Variants in NRXN1 observed in about 807,000 individuals in gnomAD.
NRXN1 encodes neurexin-1.
A neutral mutation model predicts 150.9 loss-of-function variants in NRXN1; 39 were observed. The observed-to-expected ratio is 0.26, with a 90% CI of 0.20 to 0.34. The LOEUF is 0.34. Ranked by LOEUF, NRXN1 falls within the 10% of genes least tolerant of loss-of-function variation. The pLI is 1.00. For synonymous variants in NRXN1, 924 were observed against 757.0 expected (o/e 1.22, Z -3.62); for missense variants, 1,815 against 1,949.9 (o/e 0.93, Z 1.30).
At chr2:50,753,042 T>C (rs1332274647) in intron 5 of NRXN1, among the ~76,000 whole-genome samples, 1 of 151,966 alleles carries the variant, frequency 6.6e-6, no homozygotes, top group Non-Finnish European at 1.5e-5. Flanking sequence ...GTTTATTACA[T>C]TTCATCTGAG....
chr2:50,907,065 T>A (rs879673156), intron 5 of NRXN1, among the ~76,000 whole-genome samples: 1 of 151,664 alleles, frequency 6.6e-6, no homozygotes, highest in Non-Finnish European at 1.5e-5. Context: ...TCTTCTCCCC[T>A]AAAGTAAGCC....
chr2:50,859,369 T>G (rs1675757431), intron 5 of NRXN1, among the ~76,000 whole-genome samples: 1 of 152,016 alleles, frequency 6.6e-6, no homozygotes, highest in South Asian at 2.1e-4. Flanking sequence ...GGGAAAATAT[T>G]TAAGTGTCAA....
rs574317043 is a variant in NRXN1 at position 50,526,531 on chromosome 2, C to T, written c.2374+2094G>A. 2.0e-5 allele frequency among the ~76,000 whole-genome samples: 3 copies of T among 152,256 alleles called. No individual in the cohort carries two copies. The East Asian group carries it at 5.8e-4, about 29-fold the overall frequency. On this transcript the variant is annotated intron_variant, in intron 12 of 22. Coordinates refer to ENST00000401669, the MANE Select transcript of NRXN1 (RefSeq NM_001330078.2). ...TTTAGTTTTTATTGAGTACAAAATG[C>T]ACTCCAGGTAGAAATCACTGCTCAT...
At chr2:50,942,276 G>C (rs776042478) in intron 2 of NRXN1, among the ~76,000 whole-genome samples, 4 of 152,180 alleles carry the variant, frequency 2.6e-5, no homozygotes, top group Non-Finnish European at 2.9e-5. Flanking sequence ...GAGCCCACAT[G>C]GAGAACCTCT....
intron 10 of NRXN1, 59 bp downstream of exon 10, chr2:50,538,194 T>C: frequency 6.4e-7 from 1 of 1,555,714 alleles, no homozygotes; most frequent in Admixed American, 1.8e-5. Context: ...AGGTTTGAGG[T>C]CAACATTTAA....
chr2:50,357,420 T>C (rs982409100), intron 17 of NRXN1, among the ~76,000 whole-genome samples: 8 of 152,056 alleles, frequency 5.3e-5, no homozygotes, highest in African/African-American at 1.9e-4. Context: ...ACGATTCTCC[T>C]GCCTCAGCCT....
chr2:50,461,444 A>G (rs536940401), intron 17 of NRXN1, among the ~76,000 whole-genome samples: 4 of 152,134 alleles, frequency 2.6e-5, no homozygotes, highest in Admixed American at 6.6e-5. Flanking sequence ...GCTATTTTGC[A>G]TACGGTCATA....
chr2:50,392,434 T>G (rs918731495), intron 17 of NRXN1, among the ~76,000 whole-genome samples: 2 of 152,166 alleles, frequency 1.3e-5, no homozygotes, highest in Non-Finnish European at 2.9e-5. Context: ...GATAGGATCA[T>G]AGAAGAGGAA....
intron 5 of NRXN1, among the ~76,000 whole-genome samples, chr2:50,747,185 G>C (rs1444058245): frequency 6.6e-6 from 1 of 152,084 alleles, no homozygotes; most frequent in Non-Finnish European, 1.5e-5. Context: ...ACAAAAATCA[G>C]AAAGATGGCC....
chr2:50,564,462 C>T (rs1176375817), intron 8 of NRXN1, among the ~76,000 whole-genome samples: 1 of 152,042 alleles, frequency 6.6e-6, no homozygotes, highest in Non-Finnish European at 1.5e-5. Context: ...TTTATCTCAT[C>T]TCTCTGGAAC....
At chr2:50,984,593 G>C (rs921340124) in intron 2 of NRXN1, among the ~76,000 whole-genome samples, 1 of 151,850 alleles carries the variant, frequency 6.6e-6, no homozygotes, top group Non-Finnish European at 1.5e-5. Flanking sequence ...GCTATATCTG[G>C]GATAGAAAGG....
At chr2:50,381,584 G>C (rs982061154) in intron 17 of NRXN1, among the ~76,000 whole-genome samples, 9 of 147,430 alleles carry the variant, frequency 6.1e-5, no homozygotes, top group Non-Finnish European at 1.2e-4. Flanking sequence ...ATCTGCTTTT[G>C]GCTATGAAAA....
At chr2:50,236,712 AG>A (rs2065469699) in intron 18 of NRXN1, 76 bp downstream of exon 18, 2 of 1,411,084 alleles carry the variant, frequency 1.4e-6, no homozygotes, top group African/African-American at 2.9e-5. Context: ...GAAGCATCCA[AG>A]AAGCAAAATT....
chr2:49,942,986 A>G (rs1297536926), intron 22 of NRXN1, among the ~76,000 whole-genome samples: 1 of 152,222 alleles, frequency 6.6e-6, no homozygotes, highest in Admixed American at 6.5e-5. Context: ...AAATGAGCCT[A>G]ACACTTGAAG....
intron 21 of NRXN1, among the ~76,000 whole-genome samples, chr2:49,960,649 A>G (rs944834429): frequency 6.6e-5 from 10 of 152,194 alleles, no homozygotes; most frequent in African/African-American, 2.4e-4. Context: ...CTATAGTGGA[A>G]GAAAGAAAGT....
chr2:50,518,910 G>GA (rs1333941417), intron 12 of NRXN1, among the ~76,000 whole-genome samples: 5 of 35,908 alleles, frequency 1.4e-4, no homozygotes, highest in Admixed American at 8.4e-4. Context: ...AAGCATATTA[G>GA]AGAAAAAAAC....
At chr2:50,573,793 C>T (rs926682980) in intron 8 of NRXN1, among the ~76,000 whole-genome samples, 26 of 151,346 alleles carry the variant, frequency 1.7e-4, no homozygotes, top group South Asian at 4.2e-4. Context: ...TACAAATAAA[C>T]AATGCACTGT....
intron 18 of NRXN1, among the ~76,000 whole-genome samples, chr2:50,099,575 T>G (rs1261735438): frequency 6.6e-6 from 1 of 152,184 alleles, no homozygotes; most frequent in African/African-American, 2.4e-5. Flanking sequence ...TGTTAGCTAT[T>G]AGCATTATTA....
At chr2:50,494,934 G>A (rs571872128) in intron 15 of NRXN1, among the ~76,000 whole-genome samples, 1 of 151,958 alleles carries the variant, frequency 6.6e-6, no homozygotes, top group South Asian at 2.1e-4. Flanking sequence ...GGGAGGCTGA[G>A]GCAGGAGAAT....
Sources: gnomAD v4.1 joint callset for allele counts (sites outside exome capture counted in the v4.1 genomes callset) on GRCh38, gnomAD v4.1.1 for gene constraint, MANE v1.5 for transcripts, NCBI Gene and HGNC (gene_info 2026-07-23, HGNC 2026-07-21) for gene names.